RSRC1: variants seen among roughly 807,000 people sequenced by gnomAD.
RSRC1 encodes serine/Arginine-related protein 53.
In RSRC1, 39 loss-of-function variants were observed where a neutral mutation model predicts 49.1. That is an observed-to-expected ratio of 0.79 (90% confidence interval 0.61 to 1.04). The LOEUF (loss-of-function observed/expected upper bound fraction) is 1.04. Among genes scored for constraint, RSRC1 ranks in the 50% least tolerant of loss-of-function variants. The pLI is 0.00. For missense variants in RSRC1, 388 were observed against 402.4 expected (o/e 0.96, Z 0.31); for synonymous variants, 143 against 130.8 (o/e 1.09, Z -0.63).
At chr3:158,363,192 A>C (rs1433976821) in intron 6 of RSRC1, among the ~76,000 whole-genome samples, 1 of 152,190 alleles carries the variant, frequency 6.6e-6, no homozygotes, top group Non-Finnish European at 1.5e-5. Context: ...ATGACTTGTA[A>C]AAAGTTACAG....
chr3:158,398,820 C>G (rs1229292587), intron 6 of RSRC1, among the ~76,000 whole-genome samples: 1 of 152,032 alleles, frequency 6.6e-6, no homozygotes, highest in African/African-American at 2.4e-5. Flanking sequence ...TAAGACAGTA[C>G]TGGGAAACAT....
chr3:158,402,293 C>T (rs995635977), intron 6 of RSRC1, among the ~76,000 whole-genome samples: 6 of 151,632 alleles, frequency 4.0e-5, no homozygotes, highest in African/African-American at 1.5e-4. Flanking sequence ...TATATTTGGC[C>T]TATTAAAAGC....
chr3:158,338,006 A>G (rs1246249850), intron 5 of RSRC1, among the ~76,000 whole-genome samples: 2 of 152,170 alleles, frequency 1.3e-5, no homozygotes, highest in Non-Finnish European at 1.5e-5. Context: ...TTGTATGGCT[A>G]TGTATTTGTA....
intron 3 of RSRC1, among the ~76,000 whole-genome samples, chr3:158,200,369 CTTAT>C (rs1057198994): frequency 3.3e-5 from 5 of 152,044 alleles, no homozygotes; most frequent in Admixed American, 2.0e-4. Context: ...TCTGTGTCTG[CTTAT>C]TTAAAGTACA....
At chr3:158,339,154 C>T (rs990028788) in intron 5 of RSRC1, among the ~76,000 whole-genome samples, 4 of 151,800 alleles carry the variant, frequency 2.6e-5, no homozygotes, top group East Asian at 1.9e-4. Context: ...TAGCCGGGCG[C>T]GGTGGCGGGC....
At chr3:158,223,862 C>T (rs1367321861) in intron 4 of RSRC1, among the ~76,000 whole-genome samples, 1 of 151,666 alleles carries the variant, frequency 6.6e-6, no homozygotes, top group African/African-American at 2.4e-5. Flanking sequence ...ATGCCTCCTC[C>T]AGGGTCTTTG....
intron 4 of RSRC1, among the ~76,000 whole-genome samples, chr3:158,242,405 G>A (rs1723646853): frequency 6.6e-6 from 1 of 152,076 alleles, no homozygotes; most frequent in Non-Finnish European, 1.5e-5. Flanking sequence ...TGGCTCTGTA[G>A]TATTCCACGG....
At chr3:158,141,175 G>A (rs1716729065) in intron 3 of RSRC1, among the ~76,000 whole-genome samples, 1 of 152,198 alleles carries the variant, frequency 6.6e-6, no homozygotes, top group African/African-American at 2.4e-5. Context: ...ATAATGAAGT[G>A]TAAAGAGACT....
intron 5 of RSRC1, among the ~76,000 whole-genome samples, chr3:158,300,454 T>C (rs1727480773): frequency 6.6e-6 from 1 of 152,210 alleles, no homozygotes; most frequent in African/African-American, 2.4e-5. Flanking sequence ...AAAAGGTTCA[T>C]GCCTAAAATG....
chr3:158,251,259 C>T (rs752841375), intron 4 of RSRC1, among the ~76,000 whole-genome samples: 5 of 152,022 alleles, frequency 3.3e-5, no homozygotes, highest in Non-Finnish European at 5.9e-5. Context: ...TATGATTCCT[C>T]CAGTTTTGTT....
chr3:158,200,274 G>A (rs1359947828), intron 3 of RSRC1, among the ~76,000 whole-genome samples: 9 of 152,000 alleles, frequency 5.9e-5, no homozygotes, highest in East Asian at 1.9e-4. Context: ...TCCTGACCTC[G>A]TGATCCCCTC....
rs35460810 is a variant in RSRC1, at chr3:158,147,102, C to CTTTTTTTTTTTTTTTT, written c.320+23123_320+23138dup. 4.0e-4 allele frequency among the ~76,000 whole-genome samples: 14 copies of CTTTTTTTTTTTTTTTT among 34,734 alleles called. 2 individuals are homozygous for CTTTTTTTTTTTTTTTT. Among genetic ancestry groups the CTTTTTTTTTTTTTTTT allele is most frequent in the African/African-American group, 1.1e-3 (7 of 6,612 alleles). 22.8% of individuals were successfully genotyped at this position (34,734 alleles called of 152,430 possible). A position where few individuals can be genotyped will look rare whatever the true frequency, so the allele number is the denominator to read the frequency against. On this transcript the variant is annotated intron_variant, in intron 3 of 9. Coordinates refer to ENST00000611884, the MANE Select transcript of RSRC1 (RefSeq NM_001271838.2). ...CCTTTTCTTTCTTCTGCTTTTCTGC[C>CTTTTTTTTTTTTTTTT]TTTTTTTTTTTTTTTTTTTTTTTTT...
chr3:158,395,469 TAAAC>T (rs1733561254), intron 6 of RSRC1, among the ~76,000 whole-genome samples: 1 of 151,848 alleles, frequency 6.6e-6, no homozygotes, highest in Non-Finnish European at 1.5e-5. Context: ...ATAAGGTACT[TAAAC>T]AAATTAACAA....
At chr3:158,223,865 G>T (rs1178671049) in intron 4 of RSRC1, among the ~76,000 whole-genome samples, 6 of 151,416 alleles carry the variant, frequency 4.0e-5, no homozygotes, top group Non-Finnish European at 5.9e-5. Flanking sequence ...CCTCCTCCAG[G>T]GTCTTTGTAT....
At chr3:158,128,909 T>G (rs1331160376) in intron 3 of RSRC1, among the ~76,000 whole-genome samples, 1 of 152,190 alleles carries the variant, frequency 6.6e-6, no homozygotes, top group Admixed American at 6.5e-5. Context: ...GAGTGAGCTA[T>G]GCATTTTTGG....
intron 6 of RSRC1, among the ~76,000 whole-genome samples, chr3:158,388,062 A>C (rs1733057874): frequency 6.6e-6 from 1 of 152,146 alleles, no homozygotes; most frequent in Admixed American, 6.5e-5. Context: ...TAATAACTAG[A>C]TTAGAAAAAC....
At chr3:158,523,489 A>T (rs536069246) in intron 7 of RSRC1, among the ~76,000 whole-genome samples, 2 of 152,198 alleles carry the variant, frequency 1.3e-5, no homozygotes, top group Admixed American at 1.3e-4. Context: ...AAGATAAAAA[A>T]TATAAACCTT....
intron 4 of RSRC1, among the ~76,000 whole-genome samples, chr3:158,264,505 T>C (rs186791742): frequency 6.6e-6 from 1 of 152,294 alleles, no homozygotes; most frequent in African/African-American, 2.4e-5. Context: ...GACTGTTCTC[T>C]AAGTGTCAAT....
chr3:158,202,584 T>TATATATATATATA (rs1721121648), intron 3 of RSRC1, among the ~76,000 whole-genome samples: 1 of 44,210 alleles, frequency 2.3e-5, no homozygotes, highest in Non-Finnish European at 4.3e-5. Context: ...ATATATATGT[T>TATATATATATATA]TTATCAATAT....
Sources: gnomAD v4.1 joint callset for allele counts (sites outside exome capture counted in the v4.1 genomes callset) on GRCh38, gnomAD v4.1.1 for gene constraint, MANE v1.5 for transcripts, NCBI Gene and HGNC (gene_info 2026-07-23, HGNC 2026-07-21) for gene names.